Variants in CADPS2 observed in about 807,000 individuals in gnomAD.
CADPS2 encodes the protein calcium dependent secretion activator 2, also known as calcium-dependent secretion activator 2.
Under a neutral mutation model 172.5 loss-of-function variants are expected in CADPS2, and 93 were observed. The observed-to-expected ratio is 0.54, with a 90% CI of 0.46 to 0.64. The LOEUF is 0.64. Among genes scored for constraint, CADPS2 ranks in the 30% least tolerant of loss-of-function variants. The pLI is 0.00. For missense variants in CADPS2, 1,420 were observed against 1,565.9 expected (o/e 0.91, Z 1.57); for synonymous variants, 546 against 555.2 (o/e 0.98, Z 0.23).
intron 20 of CADPS2, among the ~76,000 whole-genome samples, chr7:122,402,027 T>A (rs1480323933): frequency 2.6e-5 from 4 of 152,168 alleles, no homozygotes; most frequent in Non-Finnish European, 4.4e-5. Context: ...CCCAGACAGA[T>A]GTTTTTTTAT....
intron 3 of CADPS2, among the ~76,000 whole-genome samples, chr7:122,657,266 G>C (rs1364048204): frequency 6.6e-6 from 1 of 152,096 alleles, no homozygotes; most frequent in African/African-American, 2.4e-5. Flanking sequence ...TTGTTCTTTT[G>C]GCTTAGGATT....
intron 7 of CADPS2, among the ~76,000 whole-genome samples, chr7:122,564,797 T>C (rs2066192885): frequency 6.6e-6 from 1 of 151,710 alleles, no homozygotes. Flanking sequence ...CATAAAATTT[T>C]TAATTGCATA....
At chr7:122,834,094 T>C (rs948197561) in intron 1 of CADPS2, among the ~76,000 whole-genome samples, 3 of 152,174 alleles carry the variant, frequency 2.0e-5, no homozygotes, top group African/African-American at 7.2e-5. Context: ...ACTTATAAAC[T>C]GTTCAGGAAG....
At chr7:122,849,767 T>C (rs1303437570) in intron 1 of CADPS2, 3 of 451,984 alleles carry the variant, frequency 6.6e-6, no homozygotes, top group Non-Finnish European at 1.3e-5. Flanking sequence ...CAGTAAAAAC[T>C]GTCCCCAAGC....
Position 122,421,781 on chromosome 7 carries a change from C to G in CADPS2, c.2477-5617G>C, listed in dbSNP as rs116140154. Among the ~76,000 whole-genome samples the G allele has an allele frequency of 4.1e-3, 620 of 152,210 alleles. 3 individuals are homozygous for G. The highest frequency in any genetic ancestry group is 0.027 in the Middle Eastern group (8 of 294). Reference sequence around the variant, plus strand: ...ATTAAATGTAAGCAGTATGTAAGAACAGGGTTATTAGCTTGCAAGAAATAG... The same window carrying G: ...ATTAAATGTAAGCAGTATGTAAGAAGAGGGTTATTAGCTTGCAAGAAATAG... On this transcript the variant is annotated intron_variant, in intron 17 of 29. Coordinates refer to ENST00000449022, the MANE Select transcript of CADPS2 (RefSeq NM_017954.11).
At chr7:122,626,900 A>C (rs2076141348) in intron 4 of CADPS2, among the ~76,000 whole-genome samples, 1 of 152,332 alleles carries the variant, frequency 6.6e-6, no homozygotes, top group South Asian at 2.1e-4. Context: ...TTTGTTCACT[A>C]CTTCCTAATT....
intron 12 of CADPS2, among the ~76,000 whole-genome samples, chr7:122,477,029 AGAG>A: frequency 1.0e-5 from 1 of 100,082 alleles, no homozygotes; most frequent in Non-Finnish European, 1.9e-5. Flanking sequence ...AGAGGAGAGG[AGAG>A]GAGAGGAGAG....
At chr7:122,350,806 C>T (rs1296089905) in intron 27 of CADPS2, among the ~76,000 whole-genome samples, 2 of 151,090 alleles carry the variant, frequency 1.3e-5, no homozygotes, top group Non-Finnish European at 3.0e-5. Context: ...GGCAACATGG[C>T]AAGACCCTGC....
At position 122,886,104 on chromosome 7, in the gene CADPS2, C is replaced by T; in HGVS notation, c.234G>A (p.Glu78=). 1 of 1,574,014 alleles carries T rather than the reference C, an allele frequency of 6.4e-7. No individual in the cohort carries two copies. Among genetic ancestry groups the T allele is most frequent in the Non-Finnish European group, 8.6e-7 (1 of 1,160,582 alleles). The change falls in exon 1 of 30, where the codon GAG becomes GAA. Residue 78 remains glutamate (E), a synonymous_variant. Coordinates refer to ENST00000449022, the MANE Select transcript of CADPS2 (RefSeq NM_017954.11). The part of the protein sequence containing the change: ...RDEPQRQLDD[E]QERRIRLQLY... ...GCTGCAGGCGGATCCTCCGCTCCTG[C>T]TCATCGTCCAGCTGCCGCTGGGGCT...
intron 9 of CADPS2, among the ~76,000 whole-genome samples, chr7:122,495,396 C>T (rs2058653720): frequency 6.6e-6 from 1 of 152,060 alleles, no homozygotes; most frequent in Admixed American, 6.6e-5. Context: ...ACAAGAAAAT[C>T]GATAAACATC....
chr7:122,698,837 T>C lies in CADPS2; in HGVS notation c.454-35268A>G, dbSNP rs750580667. On this transcript the variant is annotated intron_variant, in intron 2 of 29. Transcript: ENST00000449022. The stretch of plus-strand genomic sequence containing the variant: ...ACACTTGCTCTGCAACAGTTCTGAC[T>C]AACAAGCCAAAGAACACTGAACTTC... The C allele has an allele frequency of 6.8e-6, 11 of 1,613,528 alleles. No individual in the cohort carries two copies. In the Admixed American group the frequency reaches 1.7e-4, roughly 24 times the overall value.
At chr7:122,683,178 G>A (rs2135865183) in intron 2 of CADPS2, among the ~76,000 whole-genome samples, 1 of 152,318 alleles carries the variant, frequency 6.6e-6, no homozygotes, top group Non-Finnish European at 1.5e-5. Context: ...GCAGGAAGAA[G>A]GTGATCTTTC....
chr7:122,783,296 T>C (rs1793234407), intron 1 of CADPS2, among the ~76,000 whole-genome samples: 1 of 152,248 alleles, frequency 6.6e-6, no homozygotes, highest in African/African-American at 2.4e-5. Context: ...AATCTGTTTG[T>C]ATTTAATATA....
intron 1 of CADPS2, among the ~76,000 whole-genome samples, chr7:122,839,958 C>A (rs1468055236): frequency 6.6e-6 from 1 of 152,172 alleles, no homozygotes; most frequent in East Asian, 1.9e-4. Flanking sequence ...ATAAATCATA[C>A]CTCTATAAAG....
chr7:122,730,432 C>A (rs970652409), intron 2 of CADPS2, among the ~76,000 whole-genome samples: 2 of 151,848 alleles, frequency 1.3e-5, no homozygotes, highest in East Asian at 3.9e-4. Context: ...AGTAATTCTA[C>A]TTGCAGAAAT....
chr7:122,490,961 T>C (rs905126510), intron 10 of CADPS2, among the ~76,000 whole-genome samples: 1 of 152,130 alleles, frequency 6.6e-6, no homozygotes, highest in African/African-American at 2.4e-5. Context: ...AATTAGTAGT[T>C]ATAATATAAT....
At chr7:122,534,312 A>G (rs1355976081) in intron 8 of CADPS2, among the ~76,000 whole-genome samples, 1 of 151,992 alleles carries the variant, frequency 6.6e-6, no homozygotes, top group African/African-American at 2.4e-5. Context: ...GATCAGTTCA[A>G]AATAGGCTAA....
chr7:122,397,616 T>C (rs544508569), intron 20 of CADPS2, among the ~76,000 whole-genome samples: 3 of 152,304 alleles, frequency 2.0e-5, no homozygotes, highest in Admixed American at 1.3e-4. Flanking sequence ...TCGTTGTCCA[T>C]ATGGCAGCTT....
At chr7:122,449,728 T>C (rs1190681542) in intron 15 of CADPS2, among the ~76,000 whole-genome samples, 2 of 152,218 alleles carry the variant, frequency 1.3e-5, no homozygotes, top group East Asian at 3.8e-4. Context: ...GAGAATTCAA[T>C]CTTAACTCTG....
Sources: allele counts gnomAD v4.1 joint callset (sites outside exome capture counted in the v4.1 genomes callset), GRCh38; gene constraint gnomAD v4.1.1; transcripts MANE v1.5; gene names NCBI Gene and HGNC (gene_info 2026-07-23, HGNC 2026-07-21).